ST18: variants seen among roughly 807,000 people sequenced by gnomAD.
ST18 encodes the protein suppression of tumorigenicity 18 protein.
A neutral mutation model predicts 110.0 loss-of-function variants in ST18; 50 were observed. The observed-to-expected ratio is 0.45, with a 90% CI of 0.36 to 0.58. The LOEUF (loss-of-function observed/expected upper bound fraction) is 0.58, where lower values mean the gene tolerates loss of function less well. Ranked by LOEUF, ST18 falls within the 20% of genes least tolerant of loss-of-function variation. The pLI, the probability that ST18 is intolerant of heterozygous loss-of-function variation, is 0.00. For synonymous variants in ST18, 461 were observed against 452.4 expected, an observed-to-expected ratio of 1.02 and a Z score of -0.24; for missense variants, 1,306 against 1,280.1, an observed-to-expected ratio of 1.02 and a Z score of -0.31.
intron 2 of ST18, among the ~76,000 whole-genome samples, chr8:52,338,378 T>C (rs1343578887): frequency 6.6e-6 from 1 of 152,124 alleles, no homozygotes; most frequent in Admixed American, 6.5e-5. Context: ...TTTAATGGCA[T>C]ATCTTCTGGG....
chr8:52,303,852 T>A (rs1034175814), intron 2 of ST18, among the ~76,000 whole-genome samples: 2 of 152,224 alleles, frequency 1.3e-5, no homozygotes, highest in African/African-American at 4.8e-5. Flanking sequence ...AATCGTTTTC[T>A]TGTAGACATT....
At chr8:52,216,428 G>C (rs2084249049) in intron 6 of ST18, among the ~76,000 whole-genome samples, 1 of 152,132 alleles carries the variant, frequency 6.6e-6, no homozygotes, top group Non-Finnish European at 1.5e-5. Context: ...TAAAAACTGA[G>C]AACTCATTCA....
At chr8:52,295,351 C>T (rs2095615848) in intron 2 of ST18, among the ~76,000 whole-genome samples, 1 of 152,130 alleles carries the variant, frequency 6.6e-6, no homozygotes, top group Non-Finnish European at 1.5e-5. Context: ...AGTTCTTCCT[C>T]TAATTTATGT....
intron 2 of ST18, among the ~76,000 whole-genome samples, chr8:52,308,401 A>C (rs527378209): frequency 6.6e-6 from 1 of 152,204 alleles, no homozygotes; most frequent in Non-Finnish European, 1.5e-5. Flanking sequence ...AGACAATTCT[A>C]TTGTTTCACA....
intron 2 of ST18, among the ~76,000 whole-genome samples, chr8:52,254,046 C>T (rs1318194300): frequency 6.6e-6 from 1 of 151,740 alleles, no homozygotes; most frequent in Admixed American, 6.6e-5. Context: ...ATATACATCA[C>T]AACAGACATC....
chr8:52,190,866 C>T lies in ST18; in HGVS notation c.87-10554G>A, dbSNP rs144559718. ...TGTGTTTGAGAGATGGAAGATAAGT[C>T]GAACGAAGATTCGGGGCACACCATA... is the stretch of plus-strand genomic sequence containing the variant. On this transcript the variant is annotated intron_variant, in intron 8 of 25. Coordinates refer to ENST00000689386, the MANE Select transcript of ST18 (RefSeq NM_001352837.2). 8.5e-5 allele frequency among the ~76,000 whole-genome samples: 13 copies of T among 152,254 alleles called. No homozygotes were observed. In the Middle Eastern group the frequency reaches 0.01, roughly 120 times the overall value.
Position 52,142,941 on chromosome 8 carries a change from C to A in ST18, c.2157G>T (p.Lys719Asn), listed in dbSNP as rs1231840848. 6.2e-7 allele frequency: 1 copy of A among 1,613,262 alleles called. No homozygotes were observed. Among genetic ancestry groups the A allele is most frequent in the East Asian group, 2.2e-5 (1 of 44,874 alleles). The change falls in exon 17 of 26, where the codon AAG becomes AAT. Residue 719 changes from lysine (K) to asparagine (N), a missense_variant. Coordinates refer to ENST00000689386, the MANE Select transcript of ST18 (RefSeq NM_001352837.2). ...KPKLHARDLK[K>N]ELITCPTPGC... ...TGGGCACCACTTACGTGATTAGTTC[C>A]TTTTTGAGATCTCTTGCATGAAGCT...
intron 2 of ST18, 29 bp from the exon 3 acceptor site, chr8:52,230,106 T>C (rs918839252): frequency 6.6e-6 from 1 of 152,190 alleles, no homozygotes; most frequent in Admixed American, 6.6e-5. Flanking sequence ...GGAGGAAAAA[T>C]GGAAAGAAAA....
At chr8:52,114,443 A>G (rs149585627) in intron 25 of ST18, among the ~76,000 whole-genome samples, 390 of 152,344 alleles carry the variant, frequency 2.6e-3, no homozygotes, top group Non-Finnish European at 3.8e-3. Flanking sequence ...TTAAAAACAC[A>G]TGACGTGAGA....
intron 2 of ST18, among the ~76,000 whole-genome samples, chr8:52,361,400 C>G (rs1404562607): frequency 1.3e-5 from 2 of 152,108 alleles, no homozygotes; most frequent in Admixed American, 6.5e-5. Context: ...GCAGATTGAT[C>G]AAGACATATG....
intron 8 of ST18, among the ~76,000 whole-genome samples, chr8:52,202,480 G>A (rs2078348403): frequency 6.6e-6 from 1 of 152,084 alleles, no homozygotes; most frequent in Non-Finnish European, 1.5e-5. Context: ...TAAAGCCGAA[G>A]GCAGAGAATC....
At chr8:52,233,100 C>A (rs908142726) in intron 2 of ST18, among the ~76,000 whole-genome samples, 1 of 152,096 alleles carries the variant, frequency 6.6e-6, no homozygotes, top group East Asian at 1.9e-4. Flanking sequence ...AATAATATCA[C>A]AAATAAAAAA....
At chr8:52,215,887 C>T (rs1477026959) in intron 6 of ST18, among the ~76,000 whole-genome samples, 1 of 152,138 alleles carries the variant, frequency 6.6e-6, no homozygotes, top group East Asian at 1.9e-4. Flanking sequence ...AGCGAATGCC[C>T]CTCCATGTGC....
intron 23 of ST18, among the ~76,000 whole-genome samples, chr8:52,120,402 AAGG>A (rs1293342031): frequency 9.2e-5 from 14 of 152,214 alleles, no homozygotes; most frequent in Admixed American, 1.3e-4. Flanking sequence ...GACAAAAACC[AAGG>A]AGATGCTTGT....
Position 52,111,556 on chromosome 8 carries a change from T to C in ST18, c.*1642A>G, listed in dbSNP as rs2040549108. The stretch of plus-strand genomic sequence containing the variant: ...AAGTTTCATGGGAGTGGAATTACTG[T>C]TGAGTATTGTTTTTCATTTGTGCAG... On this transcript the variant is annotated 3_prime_UTR_variant, in exon 26 of 26. Coordinates refer to ENST00000689386, the MANE Select transcript of ST18 (RefSeq NM_001352837.2). 1 of 152,648 alleles carries C rather than the reference T, an allele frequency of 6.6e-6. No individual in the cohort carries two copies. Among genetic ancestry groups the C allele is most frequent in the Admixed American group, 6.5e-5 (1 of 15,286 alleles). 9.5% of individuals were successfully genotyped at this position (152,648 alleles called of 1,614,324 possible). A position where few individuals can be genotyped will look rare whatever the true frequency, so the allele number is the denominator to read the frequency against.
chr8:52,272,647 T>C (rs764559090), intron 2 of ST18, among the ~76,000 whole-genome samples: 11 of 152,366 alleles, frequency 7.2e-5, no homozygotes, highest in Non-Finnish European at 2.9e-5. Context: ...TCAGCCATTA[T>C]GGAAATCAGT....
At chr8:52,138,765 T>C (rs1013659029) in intron 17 of ST18, among the ~76,000 whole-genome samples, 138 of 152,302 alleles carry the variant, frequency 9.1e-4, no homozygotes, top group African/African-American at 3.0e-3. Context: ...TGTCAGTTAT[T>C]AGAGGGGAAC....
chr8:52,135,327 G>A (rs1272938091), intron 19 of ST18, among the ~76,000 whole-genome samples: 3 of 151,992 alleles, frequency 2.0e-5, no homozygotes, highest in African/African-American at 4.8e-5. Flanking sequence ...TTAGGAGGCC[G>A]AGGCGGGCAG....
At chr8:52,338,348 G>A (rs1045711052) in intron 2 of ST18, among the ~76,000 whole-genome samples, 3 of 151,424 alleles carry the variant, frequency 2.0e-5, no homozygotes, top group African/African-American at 4.9e-5. Context: ...ATGAGCCACC[G>A]TGCCCGGCCA....
Sources: gnomAD v4.1 joint callset for allele counts (sites outside exome capture counted in the v4.1 genomes callset) on GRCh38, gnomAD v4.1.1 for gene constraint, MANE v1.5 for transcripts, NCBI Gene and HGNC (gene_info 2026-07-23, HGNC 2026-07-21) for gene names.